The following DMD variants were observed in gnomAD, a reference collection of about 807,000 sequenced individuals.
The protein encoded by DMD is dystrophin.
In DMD, 63 loss-of-function variants were observed where a neutral mutation model predicts 330.1. That is an observed-to-expected ratio of 0.19 (90% CI 0.16 to 0.24). The LOEUF (loss-of-function observed/expected upper bound fraction) is 0.24, where lower values mean the gene tolerates loss of function less well. Among genes scored for constraint, DMD ranks in the 10% least tolerant of loss-of-function variants. The probability of loss-of-function intolerance (pLI) is 1.00; values close to 1 mark genes in which losing one functional copy is unlikely to be tolerated. For missense variants in DMD, 3,344 were observed against 2,684.1 expected (o/e 1.25, Z -5.43); for synonymous variants, 1,223 against 959.8 (o/e 1.27, Z -5.07).
At chrX:31,730,342 C>T (rs1012760657) in intron 51 of DMD, among the ~76,000 whole-genome samples, 5 of 111,775 alleles carry the variant, frequency 4.5e-5, no homozygotes, top group African/African-American at 1.6e-4. Context: ...GTGGAAAGGG[C>T]TGCAAATCTT....
intron 2 of DMD, among the ~76,000 whole-genome samples, chrX:32,968,401 T>C (rs1488491606): frequency 9.0e-6 from 1 of 111,655 alleles, no homozygotes; most frequent in African/African-American, 3.3e-5. Context: ...GAGGATCGAA[T>C]TGCTTCAGCC....
In DMD at chrX:32,794,552, G is replaced by A. The variant is rs2076048359; in HGVS notation, c.649+14941C>T. On this transcript the variant is annotated intron_variant, in intron 7 of 78. Transcript: ENST00000357033. ...TGCAATGAGCCAAGATTGGGCCACT[G>A]TACTCCAGCCTGGGCAACAGAGCAA... Among the ~76,000 whole-genome samples the A allele has an allele frequency of 4.5e-5, 5 of 111,486 alleles. No homozygotes were observed. The Admixed American group carries it at 4.8e-4, about 11-fold the overall frequency.
intron 43 of DMD, among the ~76,000 whole-genome samples, chrX:32,267,634 A>C (rs2097349765): frequency 8.9e-6 from 1 of 112,286 alleles, no homozygotes; most frequent in Non-Finnish European, 1.9e-5. Flanking sequence ...TTTGACTTTA[A>C]AGACAATAAT....
intron 36 of DMD, 47 bp downstream of exon 36, chrX:32,364,535 T>C: frequency 1.7e-6 from 2 of 1,188,964 alleles, no homozygotes; most frequent in Non-Finnish European, 2.3e-6. Flanking sequence ...ATGATTGAAG[T>C]AACTGGTGTA....
chrX:31,852,605 A>C, intron 48 of DMD, among the ~76,000 whole-genome samples: 1 of 111,566 alleles, frequency 9.0e-6, no homozygotes, highest in Non-Finnish European at 1.9e-5. Flanking sequence ...TGGCCTTTTA[A>C]AGAAAAAAGT....
intron 44 of DMD, among the ~76,000 whole-genome samples, chrX:32,025,244 G>C (rs1352475399): frequency 2.7e-5 from 3 of 112,151 alleles, no homozygotes; most frequent in Admixed American, 1.9e-4. Flanking sequence ...AAAGCACTTA[G>C]AACTATTTTA....
chrX:33,061,542 G>A (rs1043238431), intron 1 of DMD, among the ~76,000 whole-genome samples: 4 of 111,383 alleles, frequency 3.6e-5, no homozygotes, highest in African/African-American at 1.3e-4. Context: ...AGTTCTCCCC[G>A]ATGCCTTAAT....
chrX:32,715,358 T>C (rs2065591319), intron 7 of DMD, among the ~76,000 whole-genome samples: 1 of 103,947 alleles, frequency 9.6e-6, no homozygotes, highest in Non-Finnish European at 1.9e-5. Flanking sequence ...GCGCCTGTAA[T>C]CCCAGCTATT....
intron 56 of DMD, among the ~76,000 whole-genome samples, chrX:31,506,913 T>C (rs891210542): frequency 8.9e-6 from 1 of 112,190 alleles, no homozygotes; most frequent in Non-Finnish European, 1.9e-5. Flanking sequence ...TTTAGACTAA[T>C]GCCAAAAATA....
At chrX:32,866,519 A>G (rs1399023245) in intron 2 of DMD, among the ~76,000 whole-genome samples, 1 of 111,072 alleles carries the variant, frequency 9.0e-6, no homozygotes, top group African/African-American at 3.3e-5. Context: ...AAATTATTTT[A>G]CTGCTGAAAT....
chrX:31,374,725 T>A (rs1207941744), intron 60 of DMD, among the ~76,000 whole-genome samples: 2 of 102,238 alleles, frequency 2.0e-5, no homozygotes, highest in African/African-American at 7.1e-5. Flanking sequence ...TAATGCTAAA[T>A]GACGAGTTAA....
At chrX:31,688,792 C>A (rs1050494743) in intron 52 of DMD, among the ~76,000 whole-genome samples, 2 of 111,534 alleles carry the variant, frequency 1.8e-5, no homozygotes, top group African/African-American at 6.5e-5. Context: ...GGCTTCATCC[C>A]TGGGATGCAA....
At chrX:32,095,791 A>C (rs745607135) in intron 44 of DMD, among the ~76,000 whole-genome samples, 1 of 112,088 alleles carries the variant, frequency 8.9e-6, no homozygotes, top group African/African-American at 3.2e-5. Context: ...TGCAGTTGGA[A>C]GCTCATTATT....
intron 1 of DMD, among the ~76,000 whole-genome samples, chrX:33,023,318 T>C (rs749214333): frequency 8.9e-6 from 1 of 112,068 alleles, no homozygotes; most frequent in East Asian, 2.8e-4. Context: ...TCTTTTTTGT[T>C]TTTATAATTG....
chrX:32,117,021 G>A (rs750496779), intron 44 of DMD, among the ~76,000 whole-genome samples: 1 of 111,427 alleles, frequency 9.0e-6, no homozygotes, highest in African/African-American at 3.3e-5. Context: ...AACCTAAGAG[G>A]GGAGTGAAAA....
intron 1 of DMD, among the ~76,000 whole-genome samples, chrX:33,101,211 C>A (rs2095235052): frequency 8.9e-6 from 1 of 112,370 alleles, no homozygotes; most frequent in African/African-American, 3.2e-5. Flanking sequence ...TAGGAAAATA[C>A]AGTTTTTGGA....
intron 55 of DMD, among the ~76,000 whole-genome samples, chrX:31,519,971 T>G (rs999082889): frequency 2.7e-5 from 3 of 111,748 alleles, no homozygotes; most frequent in Non-Finnish European, 5.6e-5. Flanking sequence ...TTTCTTCTCT[T>G]ATACAATAGG....
chrX:32,142,796 C>T (rs950974311), intron 44 of DMD, among the ~76,000 whole-genome samples: 9 of 112,366 alleles, frequency 8.0e-5, no homozygotes, highest in African/African-American at 2.6e-4. Flanking sequence ...TACCAAATGG[C>T]AAAGTGCCTG....
At chrX:32,080,459 T>C (rs891906431) in intron 44 of DMD, among the ~76,000 whole-genome samples, 1 of 112,628 alleles carries the variant, frequency 8.9e-6, no homozygotes, top group Non-Finnish European at 1.9e-5. Flanking sequence ...GTTATGTAAA[T>C]ACCCAGAAGA....
Sources: gnomAD v4.1 joint callset for allele counts (sites outside exome capture counted in the v4.1 genomes callset) on GRCh38, gnomAD v4.1.1 for gene constraint, MANE v1.5 for transcripts, NCBI Gene and HGNC (gene_info 2026-07-23, HGNC 2026-07-21) for gene names.